CDV3: variants seen among roughly 807,000 people sequenced by gnomAD.
CDV3 encodes the protein CDV3 homolog, also known as protein CDV3 homolog.
A neutral mutation model predicts 24.5 loss-of-function variants in CDV3; 14 were observed. The observed-to-expected ratio is 0.57, with a 90% CI of 0.38 to 0.89. CDV3 has a LOEUF of 0.89. Among genes scored for constraint, CDV3 ranks in the 40% least tolerant of loss-of-function variants. CDV3 has a pLI of 0.00. For synonymous variants in CDV3, 114 were observed against 114.1 expected (o/e 1.00, Z 0.00); for missense variants, 304 against 310.2 (o/e 0.98, Z 0.15).
intron 2 of CDV3, among the ~76,000 whole-genome samples, chr3:133,575,715 T>C (rs2074780049): frequency 6.6e-6 from 1 of 152,368 alleles, no homozygotes; most frequent in African/African-American, 2.4e-5. Flanking sequence ...AATGGAATTA[T>C]ATTTGTAAAC....
At chr3:133,576,830 A>G (rs533784699) in intron 2 of CDV3, among the ~76,000 whole-genome samples, 18 of 83,212 alleles carry the variant, frequency 2.2e-4, no homozygotes, top group African/African-American at 7.7e-4. Flanking sequence ...TTCAACCTGA[A>G]GGTAGACTAG....
At chr3:133,579,821 G>C (rs1381997708) in intron 2 of CDV3, among the ~76,000 whole-genome samples, 1 of 152,102 alleles carries the variant, frequency 6.6e-6, no homozygotes, top group East Asian at 1.9e-4. Flanking sequence ...TCGAACTCCT[G>C]ACCTCCAGTG....
rs2074702698 is a variant in CDV3, at chr3:133,573,993, C to T, written c.-52C>T. On this transcript the variant is annotated 5_prime_UTR_variant, in exon 1 of 5. Transcript: ENST00000264993. ...CCTCGACCCCGAGCTCGGAGCCCCG[C>T]GGGCCGCGCCCGCCGCCGGCCCCAC... 4.9e-6 allele frequency: 5 copies of T among 1,017,870 alleles called. No homozygotes were observed. The highest frequency in any genetic ancestry group is 5.9e-6 in the Non-Finnish European group (5 of 851,134). The allele number at this position is 1,017,870 out of a possible 1,614,324, so 63.1% of individuals were successfully genotyped here.
At chr3:133,587,712 G>T in intron 4 of CDV3, 184 bp from the exon 5 acceptor site, 3 of 1,386,046 alleles carry the variant, frequency 2.2e-6, no homozygotes, top group Non-Finnish European at 2.8e-6. Flanking sequence ...TCAATACAGC[G>T]TTCTGTGTTT....
chr3:133,587,226 G>A, intron 4 of CDV3: 1 of 1,309,268 alleles, frequency 7.6e-7, no homozygotes, highest in Non-Finnish European at 9.9e-7. Context: ...TCTTACTTTA[G>A]GGACATGAAT....
intron 1 of CDV3, chr3:133,574,733 C>G: frequency 9.1e-7 from 1 of 1,098,598 alleles, no homozygotes; most frequent in Non-Finnish European, 1.1e-6. Flanking sequence ...AGAAAACTCT[C>G]GGTGGCAAGG....
Position 133,574,053 on chromosome 3 carries a change from G to T in CDV3, c.9G>T (p.Glu3Asp). The stretch of plus-strand genomic sequence containing the variant: ...TCGAGGAGGCCGAGGCCATGGCTGA[G>T]ACGGAGGAGCGGAGCCTGGACAACT... Reference protein sequence around the residue: MAETEERSLDNFF... With the variant: MADTEERSLDNFF... The change falls in exon 1 of 5, where the codon GAG becomes GAT. Residue 3 changes from glutamate to aspartate, a missense_variant. Around this residue, in one of 3 missense-constraint regions of CDV3, gnomAD observed 219 missense variants for 203.6 expected, o/e 1.08. Transcript: ENST00000264993. 1.7e-6 allele frequency: 2 copies of T among 1,212,062 alleles called. No individual in the cohort carries two copies. The highest frequency in any genetic ancestry group is 1.6e-5 in the South Asian group (1 of 60,826). 75.1% of individuals were successfully genotyped at this position (1,212,062 alleles called of 1,614,324 possible). A position where few individuals can be genotyped will look rare whatever the true frequency, so the allele number is the denominator to read the frequency against.
At chr3:133,587,603 G>A (rs1933747951) in intron 4 of CDV3, 1 of 1,139,222 alleles carries the variant, frequency 8.8e-7, no homozygotes, top group African/African-American at 1.6e-5. Context: ...AGAGTCTTAG[G>A]AGGAATGTCA....
At chr3:133,585,373 TTTTG>T (rs1933486040) in intron 3 of CDV3, among the ~76,000 whole-genome samples, 1 of 152,254 alleles carries the variant, frequency 6.6e-6, no homozygotes, top group South Asian at 2.1e-4. Context: ...AATCTTTTTG[TTTTG>T]TTTGTTTTGT....
intron 2 of CDV3, among the ~76,000 whole-genome samples, chr3:133,583,393 A>G (rs933096903): frequency 6.6e-6 from 1 of 152,208 alleles, no homozygotes; most frequent in Non-Finnish European, 1.5e-5. Context: ...TGGTGCAAGG[A>G]AAATTTTGTA....
In CDV3 at chr3:133,589,607, C is replaced by G. The variant is rs138391145; in HGVS notation, c.*1561C>G. The stretch of plus-strand genomic sequence containing the variant: ...GCCAAATGCATGAGTTGCAGACTTG[C>G]TACTGGCAAGAGTGAAGCAAGTGGG... On this transcript the variant is annotated 3_prime_UTR_variant, in exon 5 of 5. Coordinates refer to ENST00000264993, the MANE Select transcript of CDV3 (RefSeq NM_017548.5). 6 of 152,638 alleles carry G rather than the reference C, an allele frequency of 3.9e-5. No homozygotes were observed. Among genetic ancestry groups the G allele is most frequent in the African/African-American group, 9.7e-5 (4 of 41,448 alleles). The allele number at this position is 152,638 out of a possible 1,614,324, so 9.5% of individuals were successfully genotyped here. A position where few individuals can be genotyped will look rare whatever the true frequency, so the allele number is the denominator to read the frequency against.
chr3:133,584,985 G>A (rs558539606), intron 3 of CDV3, among the ~76,000 whole-genome samples: 60 of 152,242 alleles, frequency 3.9e-4, no homozygotes, highest in African/African-American at 1.3e-3. Flanking sequence ...TATTTAGAAT[G>A]TTATAAAGAA....
In CDV3 at chr3:133,574,058, A is replaced by G; in HGVS notation, c.14A>G (p.Glu5Gly). 8.2e-7 allele frequency: 1 copy of G among 1,217,162 alleles called. No homozygotes were observed. Among genetic ancestry groups the G allele is most frequent in the Non-Finnish European group, 1.0e-6 (1 of 953,470 alleles). The allele number at this position is 1,217,162 out of a possible 1,614,324, so 75.4% of individuals were successfully genotyped here. Reference protein sequence around the residue: MAETEERSLDNFFAK... With the variant: MAETGERSLDNFFAK... ...GAGGCCGAGGCCATGGCTGAGACGG[A>G]GGAGCGGAGCCTGGACAACTTCTTT... Residue 5 changes from glutamate to glycine, a missense_variant, in exon 1 of 5, where the codon GAG becomes GGG. Physicochemically the swap from Glu to Gly is moderately conservative, Grantham distance 98 (BLOSUM62 -2). Coordinates refer to ENST00000264993, the MANE Select transcript of CDV3 (RefSeq NM_017548.5).
At chr3:133,576,841 C>CTTTTTGTTTTTTTTT (rs2074827558) in intron 2 of CDV3, among the ~76,000 whole-genome samples, 2 of 62,388 alleles carry the variant, frequency 3.2e-5, no homozygotes, top group Non-Finnish European at 5.6e-5. Context: ...GGTAGACTAG[C>CTTTTTGTTTTTTTTT]TTTTTTTTTT....
intron 4 of CDV3, chr3:133,587,290 GT>G: frequency 7.9e-7 from 1 of 1,265,814 alleles, no homozygotes; most frequent in Non-Finnish European, 1.0e-6. Context: ...ATGGAAATGT[GT>G]TTTTTGGGGT....
At chr3:133,585,211 T>C (rs1477840851) in intron 3 of CDV3, among the ~76,000 whole-genome samples, 2 of 152,022 alleles carry the variant, frequency 1.3e-5, no homozygotes, top group African/African-American at 4.8e-5. Flanking sequence ...GCCACCTGTT[T>C]ATTTTATTGT....
chr3:133,577,487 A>G (rs2074861190), intron 2 of CDV3, among the ~76,000 whole-genome samples: 1 of 151,262 alleles, frequency 6.6e-6, no homozygotes, highest in African/African-American at 2.4e-5. Flanking sequence ...CAGCCTTCCG[A>G]GTAGCTGGGA....
chr3:133,582,225 T>TGCAA (rs1933109492), intron 2 of CDV3, among the ~76,000 whole-genome samples: 1 of 152,290 alleles, frequency 6.6e-6, no homozygotes, highest in South Asian at 2.1e-4. Context: ...GGCACAGTCT[T>TGCAA]GGCCCACTAC....
chr3:133,583,656 G>T (rs562464904), intron 2 of CDV3, among the ~76,000 whole-genome samples: 88 of 152,236 alleles, frequency 5.8e-4, no homozygotes, highest in African/African-American at 2.0e-3. Flanking sequence ...TCTGCCTTCC[G>T]GGTTCAAGGG....
Sources: gnomAD v4.1 joint callset for allele counts (sites outside exome capture counted in the v4.1 genomes callset) on GRCh38, gnomAD v4.1.1 for gene constraint, gnomAD v4.1.1 regional missense constraint, MANE v1.5 for transcripts, NCBI Gene and HGNC (gene_info 2026-07-23, HGNC 2026-07-21) for gene names.